Variants in MN1 observed in about 807,000 individuals in gnomAD.
MN1 encodes MN1 proto-oncogene, transcriptional regulator, also known as transcriptional activator MN1.
MN1 carries 19 observed loss-of-function variants against 86.9 expected under a neutral mutation model. That is an observed-to-expected ratio of 0.22 (90% CI 0.15 to 0.32). The LOEUF (loss-of-function observed/expected upper bound fraction) is 0.32. Among genes scored for constraint, MN1 ranks in the 10% least tolerant of loss-of-function variants. The pLI is 1.00. For missense variants in MN1, 1,841 were observed against 1,862.0 expected (o/e 0.99, Z 0.21); for synonymous variants, 928 against 849.6 (o/e 1.09, Z -1.60).
intron 1 of MN1, among the ~76,000 whole-genome samples, chr22:27,775,459 G>A (rs1480206505): frequency 1.3e-5 from 2 of 152,066 alleles, no homozygotes; most frequent in Admixed American, 6.5e-5. Context: ...TCGAGGCCTC[G>A]TTTTCCCCAT....
At chr22:27,755,114 G>A (rs1310005502) in intron 1 of MN1, among the ~76,000 whole-genome samples, 2 of 152,202 alleles carry the variant, frequency 1.3e-5, no homozygotes, top group African/African-American at 2.4e-5. Flanking sequence ...ACCAGCTCTG[G>A]TGGTGTGGCT....
chr22:27,761,336 C>T (rs1177332026), intron 1 of MN1, among the ~76,000 whole-genome samples: 2 of 151,642 alleles, frequency 1.3e-5, no homozygotes, highest in Admixed American at 6.6e-5. Flanking sequence ...ATCCGTATCT[C>T]CCTCCCTCTC....
rs1339739234 is a variant in MN1 at position 27,799,660 on chromosome 22, T to G, written c.884A>C (p.Gln295Pro). 7 of 1,550,986 alleles carry G rather than the reference T, an allele frequency of 4.5e-6. No individual in the cohort carries two copies. In the African/African-American group the frequency reaches 9.6e-5, roughly 21 times the overall value. The change falls in exon 1 of 2, where the codon CAG becomes CCG. Residue 295 changes from glutamine to proline, a missense_variant. Coordinates refer to ENST00000302326, the MANE Select transcript of MN1 (RefSeq NM_002430.3). ...LSKMHAQPPQ[Q>P]QPQQQQQPQQ... Reference sequence around the variant, plus strand: ...GGGCTGCTGCTGCTGCTGGGGCTGCTGCTGCGGTGGCTGGGCGTGCATTTT... The same window carrying G: ...GGGCTGCTGCTGCTGCTGGGGCTGCGGCTGCGGTGGCTGGGCGTGCATTTT...
intron 1 of MN1, among the ~76,000 whole-genome samples, chr22:27,792,334 AT>A (rs1568980692): frequency 6.9e-6 from 1 of 145,192 alleles, no homozygotes; most frequent in Non-Finnish European, 1.5e-5. Context: ...ATATATATAT[AT>A]ATATATATAT....
chr22:27,799,811 C>G lies in MN1; in HGVS notation c.733G>C (p.Asp245His). ...TCGGAGTCAGAGGGCGAAAACATGT[C>G]AAAATGTCCCGAGGGCGCCTCGCCC... ...YPGEAPSGHFDMFSPSDSEGQ... is the reference protein window; with the variant it reads ...YPGEAPSGHFHMFSPSDSEGQ... Residue 245 changes from aspartate (D) to histidine (H), a missense_variant, in exon 1 of 2, where the codon GAC (aspartate) becomes CAC (histidine). By Grantham distance (81) the Asp-to-His change is moderately conservative. Coordinates refer to ENST00000302326, the MANE Select transcript of MN1 (RefSeq NM_002430.3). The G allele has an allele frequency of 6.3e-7, 1 of 1,596,252 alleles. No homozygotes were observed. The highest frequency in any genetic ancestry group is 8.5e-7 in the Non-Finnish European group (1 of 1,169,988).
chr22:27,759,588 T>C (rs1601323955), intron 1 of MN1, among the ~76,000 whole-genome samples: 2 of 152,276 alleles, frequency 1.3e-5, no homozygotes, highest in East Asian at 1.9e-4. Context: ...AGCTCTGTGA[T>C]CTTCGGTGGG....
intron 1 of MN1, among the ~76,000 whole-genome samples, chr22:27,755,588 T>A (rs1932796964): frequency 6.6e-6 from 1 of 152,208 alleles, no homozygotes; most frequent in African/African-American, 2.4e-5. Context: ...ACTCCTCAGC[T>A]TTTCTTCATG....
chr22:27,780,044 C>G (rs1933030790), intron 1 of MN1, among the ~76,000 whole-genome samples: 1 of 152,180 alleles, frequency 6.6e-6, no homozygotes, highest in African/African-American at 2.4e-5. Context: ...GGCCCAGGGG[C>G]TCCAAACCAG....
chr22:27,771,129 GC>G (rs1462395251), intron 1 of MN1, among the ~76,000 whole-genome samples: 1 of 151,426 alleles, frequency 6.6e-6, no homozygotes, highest in Non-Finnish European at 1.5e-5. Flanking sequence ...GCCAAATCTG[GC>G]CCACCATCTG....
At position 27,774,726 on chromosome 22, in the gene MN1, G is replaced by A. The variant is rs45545535; in HGVS notation, c.3781+22037C>T. On this transcript the variant is annotated intron_variant, in intron 1 of 1. Coordinates refer to ENST00000302326, the MANE Select transcript of MN1 (RefSeq NM_002430.3). ...CGTGCCCGCAGAACCCCAGGGGGTT[G>A]ACACTGCCATCATCCTCATTTCACA... Among the ~76,000 whole-genome samples, 53 of 152,300 alleles carry A rather than the reference G, an allele frequency of 3.5e-4. No individual in the cohort carries two copies. The East Asian group carries it at 8.7e-3, about 25-fold the overall frequency.
At chr22:27,762,864 C>T (rs1019371802) in intron 1 of MN1, among the ~76,000 whole-genome samples, 9 of 151,564 alleles carry the variant, frequency 5.9e-5, no homozygotes, top group African/African-American at 9.8e-5. Flanking sequence ...TTTGGGAAGC[C>T]GAGGCAGGAG....
intron 1 of MN1, among the ~76,000 whole-genome samples, chr22:27,774,628 A>G (rs1353393719): frequency 6.6e-6 from 1 of 152,126 alleles, no homozygotes; most frequent in African/African-American, 2.4e-5. Flanking sequence ...TGATAATAAT[A>G]CCAATTAATG....
At chr22:27,794,082 G>T (rs1451710391) in intron 1 of MN1, among the ~76,000 whole-genome samples, 3 of 152,058 alleles carry the variant, frequency 2.0e-5, no homozygotes, top group Non-Finnish European at 2.9e-5. Context: ...CCATGAGCAT[G>T]TTTTTAAAGG....
chr22:27,781,629 G>A (rs780358989), intron 1 of MN1, among the ~76,000 whole-genome samples: 1 of 152,166 alleles, frequency 6.6e-6, no homozygotes, highest in Non-Finnish European at 1.5e-5. Context: ...CAAAGCCCAT[G>A]CTCTCACCAA....
At position 27,800,408 on chromosome 22, in the gene MN1, CA is replaced by C. The variant is rs1568986564; in HGVS notation, c.135del (p.Gly46AlafsTer7). 1 of 1,613,946 alleles carries C rather than the reference CA, an allele frequency of 6.2e-7. No homozygotes were observed. Among genetic ancestry groups the C allele is most frequent in the African/African-American group, 1.3e-5 (1 of 74,944 alleles). ...GCGCTCATAGCAGGATCCACAGGGC[CA>C]GGGGGCCCCCCAGTGTGGAAAGCCG... ...KAPAFHTGGPPGPVDPAMSAL... is the reference protein window; with the variant it reads ...KAPAFHTGGPXGPVDPAMSAL... On this transcript the variant is annotated frameshift_variant, in exon 1 of 2. Transcript: ENST00000302326. LOFTEE classifies it high-confidence loss of function.
chr22:27,750,072 C>T lies in MN1; in HGVS notation c.*843G>A, dbSNP rs528925237. On this transcript the variant is annotated 3_prime_UTR_variant, in exon 2 of 2. Transcript: ENST00000302326. ...TGAAAATGCAGGGCCTGGGCATTTG[C>T]GAGGAGGCCCAGAAAAGGAGAGAAA... 6 of 231,730 alleles carry T rather than the reference C, an allele frequency of 2.6e-5. No individual in the cohort carries two copies. Among genetic ancestry groups the T allele is most frequent in the Admixed American group, 5.6e-5 (1 of 17,754 alleles). 14.4% of individuals were successfully genotyped at this position (231,730 alleles called of 1,614,324 possible).
At position 27,750,996 on chromosome 22, in the gene MN1, A is replaced by G; in HGVS notation, c.3882T>C (p.Ala1294=). Residue 1294 remains alanine (A), a synonymous_variant, in exon 2 of 2, where the codon GCT becomes GCC. Transcript: ENST00000302326. ...HCTDDVGDAK[A]RASVPTWRSL... ...ACCGCCAGGTGGGCACGGAGGCTCGAGCCTTGGCGTCACCCACGTCGTCTG... is the reference window on the plus strand; with the variant it reads ...ACCGCCAGGTGGGCACGGAGGCTCGGGCCTTGGCGTCACCCACGTCGTCTG... 6.2e-7 allele frequency: 1 copy of G among 1,613,100 alleles called. No homozygotes were observed. The highest frequency in any genetic ancestry group is 8.5e-7 in the Non-Finnish European group (1 of 1,179,436).
At chr22:27,776,998 A>C (rs1425726451) in intron 1 of MN1, among the ~76,000 whole-genome samples, 1 of 152,182 alleles carries the variant, frequency 6.6e-6, no homozygotes, top group Non-Finnish European at 1.5e-5. Context: ...ACTGGCATGC[A>C]AAAAGTTTTT....
intron 1 of MN1, among the ~76,000 whole-genome samples, chr22:27,762,851 C>T (rs986737116): frequency 1.3e-5 from 2 of 151,868 alleles, no homozygotes; most frequent in East Asian, 1.9e-4. Context: ...GTAATTCCAA[C>T]ACTTTGGGAA....
Sources: allele counts gnomAD v4.1 joint callset (sites outside exome capture counted in the v4.1 genomes callset), GRCh38; gene constraint gnomAD v4.1.1; transcripts MANE v1.5; gene names NCBI Gene and HGNC (gene_info 2026-07-23, HGNC 2026-07-21).